Variants in TANC2 observed in about 807,000 individuals in gnomAD.
The protein encoded by TANC2 is protein TANC2.
Under a neutral mutation model 210.5 loss-of-function variants are expected in TANC2, and 26 were observed. The ratio of observed to expected loss-of-function variants is 0.12; its 90% CI spans 0.09 to 0.17. The LOEUF (loss-of-function observed/expected upper bound fraction) is 0.17. Among genes scored for constraint, TANC2 ranks in the 10% least tolerant of loss-of-function variants. TANC2 has a pLI of 1.00. For synonymous variants in TANC2, 931 were observed against 967.1 expected (o/e 0.96, Z 0.69); for missense variants, 2,129 against 2,608.9 (o/e 0.82, Z 4.01).
chr17:63,201,084 C>T, intron 7 of TANC2, 127 bp downstream of exon 7: 1 of 755,982 alleles, frequency 1.3e-6, no homozygotes, highest in Non-Finnish European at 2.0e-6. Flanking sequence ...CTTTCCTGGT[C>T]TTTTTAATGA....
intron 11 of TANC2, among the ~76,000 whole-genome samples, chr17:63,337,622 TTTAAA>T (rs1366413417): frequency 0.028 from 4,174 of 151,610 alleles, 190 homozygotes; most frequent in African/African-American, 0.095. Context: ...TTTTTTTTTT[TTTAAA>T]TTTTATTTTA....
intron 2 of TANC2, among the ~76,000 whole-genome samples, chr17:63,056,670 C>G (rs1457760047): frequency 6.6e-6 from 1 of 152,086 alleles, no homozygotes; most frequent in Non-Finnish European, 1.5e-5. Context: ...CAGAGCGAAA[C>G]CCTGTCTCAT....
intron 12 of TANC2, among the ~76,000 whole-genome samples, chr17:63,342,725 A>G (rs2046277905): frequency 6.6e-6 from 1 of 152,154 alleles, no homozygotes; most frequent in Admixed American, 6.5e-5. Context: ...GCAGTGAGCC[A>G]AGATAGTGCC....
At chr17:63,098,513 G>GTATATATATATATATATATATATATATA (rs779741664) in intron 3 of TANC2, among the ~76,000 whole-genome samples, 1 of 125,422 alleles carries the variant, frequency 8.0e-6, no homozygotes, top group Non-Finnish European at 1.7e-5. Flanking sequence ...CTCTCTCTGT[G>GTATATATATATATATATATATATATATA]TGTATATATA....
At chr17:63,274,711 A>G (rs1183235863) in intron 9 of TANC2, among the ~76,000 whole-genome samples, 1 of 152,050 alleles carries the variant, frequency 6.6e-6, no homozygotes, top group Non-Finnish European at 1.5e-5. Flanking sequence ...CCAGCTACTC[A>G]GGAGGCTGAG....
intron 1 of TANC2, chr17:62,967,278 G>A (rs901567827): frequency 6.6e-6 from 1 of 152,138 alleles, no homozygotes; most frequent in African/African-American, 2.4e-5. Flanking sequence ...GAAATCGGGA[G>A]GAGCTATGAT....
intron 4 of TANC2, among the ~76,000 whole-genome samples, chr17:63,143,619 G>T (rs1216985844): frequency 6.6e-6 from 1 of 152,036 alleles, no homozygotes; most frequent in Non-Finnish European, 1.5e-5. Context: ...ATTGTTACCT[G>T]CAGGTAAATA....
At chr17:63,007,415 C>A (rs932678677) in intron 1 of TANC2, among the ~76,000 whole-genome samples, 3 of 152,078 alleles carry the variant, frequency 2.0e-5, no homozygotes, top group African/African-American at 7.2e-5. Flanking sequence ...TTCAGTTCAT[C>A]TATGTTTATA....
At chr17:63,260,044 A>G (rs181998945) in intron 8 of TANC2, among the ~76,000 whole-genome samples, 1 of 152,358 alleles carries the variant, frequency 6.6e-6, no homozygotes, top group Admixed American at 6.5e-5. Context: ...CTTTGAAGCC[A>G]TAAAACAGAA....
At position 63,272,303 on chromosome 17, in the gene TANC2, C is replaced by T. The variant is rs146939299; in HGVS notation, c.1159+4430C>T. On this transcript the variant is annotated intron_variant, in intron 9 of 27. Transcript: ENST00000689528. ...TTATTTCCTGGTTCTCTATTATGTT[C>T]GGTTGGTCTATGCGTCTGTTTGTAC... 3.0e-3 allele frequency among the ~76,000 whole-genome samples: 456 copies of T among 152,078 alleles called. 10 individuals carry two copies. The highest frequency in any genetic ancestry group is 0.023 in the Admixed American group (348 of 15,252).
chr17:63,102,674 T>C (rs1038605716), intron 4 of TANC2, among the ~76,000 whole-genome samples: 3 of 141,608 alleles, frequency 2.1e-5, no homozygotes, highest in Non-Finnish European at 4.6e-5. Context: ...CACACCAGGA[T>C]TGTACGATTT....
chr17:63,314,296 C>T, intron 9 of TANC2, 92 bp from the exon 10 acceptor site: 1 of 1,413,794 alleles, frequency 7.1e-7, no homozygotes, highest in Non-Finnish European at 9.7e-7. Context: ...TATGATAACT[C>T]AAGTCCCTAA....
chr17:63,095,000 C>G (rs79264797), intron 3 of TANC2, among the ~76,000 whole-genome samples: 4,477 of 151,994 alleles, frequency 0.029, 82 homozygotes, highest in South Asian at 0.038. Context: ...TCCCCCGCCC[C>G]GCCTTTTTTT....
intron 4 of TANC2, among the ~76,000 whole-genome samples, chr17:63,142,337 C>T (rs1262056710): frequency 4.6e-5 from 7 of 152,038 alleles, no homozygotes; most frequent in Non-Finnish European, 2.9e-5. Context: ...TAATTTGTGT[C>T]TTTCTGTGAA....
At chr17:63,222,772 A>G (rs2042230206) in intron 7 of TANC2, among the ~76,000 whole-genome samples, 1 of 151,962 alleles carries the variant, frequency 6.6e-6, no homozygotes, top group Non-Finnish European at 1.5e-5. Context: ...TGACACAGCT[A>G]TTTTACTCCT....
intron 2 of TANC2, among the ~76,000 whole-genome samples, chr17:63,027,256 A>G (rs1309113142): frequency 1.3e-5 from 2 of 152,140 alleles, no homozygotes; most frequent in Admixed American, 1.3e-4. Flanking sequence ...ATCCAAGTGT[A>G]TATCAGTATG....
At chr17:63,005,298 CT>C (rs1213865802) in intron 1 of TANC2, 1 of 152,026 alleles carries the variant, frequency 6.6e-6, no homozygotes, top group Non-Finnish European at 1.5e-5. Context: ...TGTTGATCTA[CT>C]TGTTAGTACT....
chr17:63,048,222 A>G (rs2035451692), intron 2 of TANC2, among the ~76,000 whole-genome samples: 1 of 152,178 alleles, frequency 6.6e-6, no homozygotes. Context: ...TTAAATGCCA[A>G]GGTACCATAT....
At chr17:63,287,285 C>T (rs977428344) in intron 9 of TANC2, among the ~76,000 whole-genome samples, 1 of 152,146 alleles carries the variant, frequency 6.6e-6, no homozygotes, top group African/African-American at 2.4e-5. Context: ...AGTCTTATAG[C>T]TTCCTTGTTC....
Sources: gnomAD v4.1 joint callset for allele counts (sites outside exome capture counted in the v4.1 genomes callset) on GRCh38, gnomAD v4.1.1 for gene constraint, MANE v1.5 for transcripts, NCBI Gene and HGNC (gene_info 2026-07-23, HGNC 2026-07-21) for gene names.